Variants in CORO2B observed in about 807,000 individuals in gnomAD.
The protein encoded by CORO2B is coronin 2B, also known as coronin-2B.
Under a neutral mutation model 58.8 loss-of-function variants are expected in CORO2B, and 26 were observed. The ratio of observed to expected loss-of-function variants is 0.44; its 90% CI spans 0.32 to 0.61. The LOEUF (loss-of-function observed/expected upper bound fraction) is 0.61, where lower values mean the gene tolerates loss of function less well. CORO2B is among the 20% of genes least tolerant of loss of function. The probability of loss-of-function intolerance (pLI) is 0.04; values close to 1 mark genes in which losing one functional copy is unlikely to be tolerated. For synonymous variants in CORO2B, 242 were observed against 253.8 expected, an observed-to-expected ratio of 0.95 and a Z score of 0.44; for missense variants, 460 against 645.1, an observed-to-expected ratio of 0.71 and a Z score of 3.11.
chr15:68,687,478 G>A (rs974283513), intron 2 of CORO2B, among the ~76,000 whole-genome samples: 10 of 152,130 alleles, frequency 6.6e-5, no homozygotes, highest in Admixed American at 6.5e-4. Flanking sequence ...CTGCTCCCCT[G>A]GACAGCCTGC....
At chr15:68,637,179 G>T (rs1193053204) in intron 1 of CORO2B, among the ~76,000 whole-genome samples, 1 of 152,172 alleles carries the variant, frequency 6.6e-6, no homozygotes, top group African/African-American at 2.4e-5. Context: ...TCTGAGAGAC[G>T]CTATGCTGAG....
At chr15:68,639,013 G>T (rs1901122518) in intron 1 of CORO2B, among the ~76,000 whole-genome samples, 1 of 152,204 alleles carries the variant, frequency 6.6e-6, no homozygotes, top group Non-Finnish European at 1.5e-5. Flanking sequence ...TGGAGACAGG[G>T]CTGCGTGACC....
At chr15:68,715,794 A>G (rs1255210291) in intron 8 of CORO2B, among the ~76,000 whole-genome samples, 1 of 152,208 alleles carries the variant, frequency 6.6e-6, no homozygotes, top group Non-Finnish European at 1.5e-5. Flanking sequence ...AGAAACCCAG[A>G]GAGGGCTCTG....
chr15:68,702,664 C>T (rs991759475), intron 3 of CORO2B, among the ~76,000 whole-genome samples: 2 of 152,130 alleles, frequency 1.3e-5, no homozygotes, highest in African/African-American at 4.8e-5. Context: ...CTTTTCTCTT[C>T]ACTGCAGGAG....
chr15:68,566,933 C>T, the CORO2B span, among the ~76,000 whole-genome samples: 104,520 of 152,130 alleles, frequency 0.69, 36,687 homozygotes, highest in East Asian at 0.87. Flanking sequence ...AGCTTGCCAG[C>T]GAAGAGGCAG....
rs558910930 is a variant in CORO2B, at chr15:68,683,749, G to T, written c.217-11391G>T. ...CCTGCAGAGCATGTTCTACCTCTCG[G>T]CAAGAGAGTGTGGCCTTGGTCAAGA... On this transcript the variant is annotated intron_variant, in intron 2 of 11. Transcript: ENST00000261861. Among the ~76,000 whole-genome samples, 32 of 152,298 alleles carry T rather than the reference G, an allele frequency of 2.1e-4. No individual in the cohort carries two copies. In the South Asian group the frequency reaches 6.4e-3, roughly 31 times the overall value.
intron 2 of CORO2B, among the ~76,000 whole-genome samples, chr15:68,664,447 C>A (rs894877853): frequency 1.3e-5 from 2 of 152,000 alleles, no homozygotes; most frequent in African/African-American, 4.8e-5. Context: ...GGAGATCGAG[C>A]CCATCCTGGC....
intron 8 of CORO2B, among the ~76,000 whole-genome samples, chr15:68,716,842 TGGG>T (rs1893042453): frequency 7.0e-6 from 1 of 143,110 alleles, no homozygotes. Flanking sequence ...TAGCAGGAGA[TGGG>T]GGGAGGATGT....
chr15:68,524,725 A>G, the CORO2B span, among the ~76,000 whole-genome samples: 2 of 152,220 alleles, frequency 1.3e-5, no homozygotes, highest in African/African-American at 4.8e-5. Flanking sequence ...CTCAAAGTCT[A>G]GTCACCATTT....
intron 3 of CORO2B, among the ~76,000 whole-genome samples, chr15:68,701,297 G>GTTTCTTTTT (rs377024158): frequency 7.3e-5 from 11 of 151,452 alleles, no homozygotes; most frequent in African/African-American, 2.4e-4. Flanking sequence ...TCTAGGACTA[G>GTTTCTTTTT]TTTCTTTTTT....
Position 68,646,076 on chromosome 15 carries a change from C to G in CORO2B, c.216+716C>G, listed in dbSNP as rs138954850. ...GGCATGAGCCACTGCACCTGGCCCA[C>G]TCATTTTTTTTTTAATTGCTCTCTA... is the stretch of plus-strand genomic sequence containing the variant. On this transcript the variant is annotated intron_variant, in intron 2 of 11. Transcript: ENST00000261861. Among the ~76,000 whole-genome samples, 96 of 152,104 alleles carry G rather than the reference C, an allele frequency of 6.3e-4. No individual in the cohort carries two copies. The South Asian group carries it at 0.012, about 19-fold the overall frequency.
intron 2 of CORO2B, among the ~76,000 whole-genome samples, chr15:68,667,229 G>A (rs1242266401): frequency 1.3e-5 from 2 of 151,992 alleles, no homozygotes; most frequent in African/African-American, 4.8e-5. Flanking sequence ...AGCCAGCCCC[G>A]GTCTCTTCTA....
At chr15:68,673,032 G>A (rs1030172443) in intron 2 of CORO2B, among the ~76,000 whole-genome samples, 4 of 152,170 alleles carry the variant, frequency 2.6e-5, no homozygotes, top group African/African-American at 9.7e-5. Context: ...CACCCCCAGG[G>A]AAAGGGTCTA....
intron 1 of CORO2B, among the ~76,000 whole-genome samples, chr15:68,598,486 G>A (rs148911827): frequency 4.9e-4 from 75 of 152,314 alleles, no homozygotes; most frequent in African/African-American, 1.8e-3. Flanking sequence ...TCTCTAGAGA[G>A]TAGGCCTGCT....
At chr15:68,704,355 C>T (rs571370327) in intron 3 of CORO2B, among the ~76,000 whole-genome samples, 1 of 152,108 alleles carries the variant, frequency 6.6e-6, no homozygotes, top group South Asian at 2.1e-4. Context: ...CTTTGGTCAT[C>T]TGCTTGGTAG....
chr15:68,702,909 C>T (rs1266309234), intron 3 of CORO2B, among the ~76,000 whole-genome samples: 1 of 145,172 alleles, frequency 6.9e-6, no homozygotes, highest in Non-Finnish European at 1.5e-5. Context: ...TCACTGCAAC[C>T]TCTGCTTCCT....
At chr15:68,715,065 C>T in intron 7 of CORO2B, 150 bp from the exon 8 acceptor site, 1 of 728,336 alleles carries the variant, frequency 1.4e-6, no homozygotes, top group Non-Finnish European at 2.4e-6. Flanking sequence ...TGTGGTGCAC[C>T]CACTAGGAGC....
At chr15:68,558,404 G>A in the CORO2B span, among the ~76,000 whole-genome samples, 2 of 151,950 alleles carry the variant, frequency 1.3e-5, no homozygotes, top group Non-Finnish European at 2.9e-5. Flanking sequence ...GTCTCGCTTT[G>A]TTAACCAGGC....
At chr15:68,624,925 C>T (rs1347263245) in intron 1 of CORO2B, among the ~76,000 whole-genome samples, 1 of 152,168 alleles carries the variant, frequency 6.6e-6, no homozygotes, top group Non-Finnish European at 1.5e-5. Flanking sequence ...TCATGATACA[C>T]CCACCTTGGC....
Sources: allele counts gnomAD v4.1 joint callset (sites outside exome capture counted in the v4.1 genomes callset), GRCh38; gene constraint gnomAD v4.1.1; transcripts MANE v1.5; gene names NCBI Gene and HGNC (gene_info 2026-07-23, HGNC 2026-07-21).